KIAA1549: variants seen among roughly 807,000 people sequenced by gnomAD.
KIAA1549 encodes UPF0606 protein KIAA1549.
A neutral mutation model predicts 156.4 loss-of-function variants in KIAA1549; 70 were observed. The observed-to-expected ratio is 0.45, with a 90% CI of 0.37 to 0.55. KIAA1549 has a LOEUF of 0.55. Among genes scored for constraint, KIAA1549 ranks in the 20% least tolerant of loss-of-function variants. The pLI, the probability that KIAA1549 is intolerant of heterozygous loss-of-function variation, is 0.00. For missense variants in KIAA1549, 2,428 were observed against 2,540.9 expected, an observed-to-expected ratio of 0.96 and a Z score of 0.96; for synonymous variants, 1,103 against 1,066.4, an observed-to-expected ratio of 1.03 and a Z score of -0.67.
intron 10 of KIAA1549, among the ~76,000 whole-genome samples, chr7:138,884,649 G>T (rs1447281468): frequency 6.6e-6 from 1 of 152,162 alleles, no homozygotes; most frequent in African/African-American, 2.4e-5. Flanking sequence ...GTATAATGTG[G>T]CTTACTTTCT....
intron 1 of KIAA1549, among the ~76,000 whole-genome samples, chr7:138,935,674 G>C (rs1427901322): frequency 6.6e-6 from 1 of 152,222 alleles, no homozygotes; most frequent in Non-Finnish European, 1.5e-5. Context: ...GGAGCCAGCA[G>C]CAATGAACAT....
intron 9 of KIAA1549, among the ~76,000 whole-genome samples, chr7:138,897,830 C>T (rs541045074): frequency 2.1e-4 from 26 of 126,550 alleles, no homozygotes; most frequent in South Asian, 5.6e-4. Flanking sequence ...GAGTTTGAGG[C>T]TGCAGTGAGC....
chr7:138,859,523 G>C (rs921108545), intron 16 of KIAA1549, among the ~76,000 whole-genome samples: 1 of 152,082 alleles, frequency 6.6e-6, no homozygotes, highest in East Asian at 1.9e-4. Flanking sequence ...CTAGCATCCT[G>C]CTCAGGGTAT....
chr7:138,871,423 C>A, intron 12 of KIAA1549, 61 bp from the exon 13 acceptor site: 4 of 1,384,996 alleles, frequency 2.9e-6, no homozygotes, highest in Admixed American at 5.3e-5. Context: ...AGCAACTAAT[C>A]AAAATTGTGA....
chr7:138,838,775 G>A (rs1427884009), intron 19 of KIAA1549, among the ~76,000 whole-genome samples: 1 of 152,062 alleles, frequency 6.6e-6, no homozygotes, highest in Non-Finnish European at 1.5e-5. Context: ...AGTTATTTGT[G>A]AGCCAAACAT....
intron 8 of KIAA1549, among the ~76,000 whole-genome samples, chr7:138,901,041 A>C (rs926289585): frequency 1.1e-4 from 17 of 152,218 alleles, no homozygotes; most frequent in African/African-American, 4.1e-4. Flanking sequence ...TCCTATCTGG[A>C]ACCCTTATAA....
At position 138,871,163 on chromosome 7, in the gene KIAA1549, G is replaced by GTTGATTTTATTGC; in HGVS notation, c.4532_4544dup (p.Asn1515LysfsTer3). The GTTGATTTTATTGC allele has an allele frequency of 6.2e-7, 1 of 1,611,560 alleles. No homozygotes were observed. Among genetic ancestry groups the GTTGATTTTATTGC allele is most frequent in the Non-Finnish European group, 8.5e-7 (1 of 1,179,752 alleles). ...TTTAAATAAAAGCAAATACCTCTTTGTTGATTTTATTGCTTTCCGCCACTC... is the reference window on the plus strand; with the variant it reads ...TTTAAATAAAAGCAAATACCTCTTTGTTGATTTTATTGCTTGATTTTATTGCTTTCCGCCACTC... On this transcript the variant is annotated stop_gained and frameshift_variant, in exon 13 of 20. Transcript: ENST00000422774. LOFTEE classifies it high-confidence loss of function.
In KIAA1549 at chr7:138,937,051, C is replaced by T. The variant is rs183098462; in HGVS notation, c.188-17613G>A. The stretch of plus-strand genomic sequence containing the variant: ...AAAATCCTCCAGTGGCTCTTAAAAG[C>T]CTTCAGAAAGCCAAAGCCCTCAGCT... On this transcript the variant is annotated intron_variant, in intron 1 of 19. Transcript: ENST00000422774. Among the ~76,000 whole-genome samples the T allele has an allele frequency of 5.9e-5, 9 of 152,286 alleles. No homozygotes were observed. In the East Asian group the frequency reaches 1.3e-3, roughly 23 times the overall value.
At chr7:138,924,188 T>C (rs1486422327) in intron 1 of KIAA1549, among the ~76,000 whole-genome samples, 1 of 147,868 alleles carries the variant, frequency 6.8e-6, no homozygotes, top group Non-Finnish European at 1.5e-5. Flanking sequence ...TTTTCTTTTT[T>C]TTTTTTCTTT....
Position 138,868,097 on chromosome 7 carries a change from G to A in KIAA1549, c.4807C>T (p.Arg1603Trp), listed in dbSNP as rs376775987. ...GGACAGCCGTTGACCTGGTGTTTCC[G>A]GCGAGGCTTGGGAGAACGTTTTATC... ...SRIKRSPKPR[R>W]KHQVNGCPAD... is the part of the protein sequence containing the mutation. Residue 1603 changes from arginine (R) to tryptophan (W), a missense_variant, in exon 15 of 20, where the codon CGG (arginine) becomes TGG (tryptophan). Arg to Trp is a moderately radical substitution (Grantham distance 101, BLOSUM62 -3). This residue lies in a region of KIAA1549 where 404 missense variants were observed against 417.0 expected (regional missense o/e 0.97). Transcript: ENST00000422774. The A allele has an allele frequency of 2.8e-4, 454 of 1,613,526 alleles. 1 individual carries two copies. The highest frequency in any genetic ancestry group is 4.6e-4 in the South Asian group (42 of 91,026).
intron 1 of KIAA1549, among the ~76,000 whole-genome samples, chr7:138,924,226 T>C (rs936974498): frequency 1.4e-5 from 2 of 148,104 alleles, no homozygotes; most frequent in Non-Finnish European, 3.0e-5. Flanking sequence ...TTTTCTACAA[T>C]GAAGGCTTAC....
chr7:138,926,702 G>A (rs887271626), intron 1 of KIAA1549, among the ~76,000 whole-genome samples: 2 of 152,082 alleles, frequency 1.3e-5, no homozygotes, highest in Admixed American at 6.6e-5. Context: ...AGAAAAAAGT[G>A]TCTTCCCCTT....
Position 138,869,666 on chromosome 7 carries a change from C to T in KIAA1549, c.4647G>A (p.Val1549=). ...AKRRGHYEFP[V]VDDLSSGDTK... Reference sequence around the variant, plus strand: ...TGTCGCCCGAGGACAGGTCGTCTACCACCGGGAACTCGTAGTGCCCGCGGC... The same window carrying T: ...TGTCGCCCGAGGACAGGTCGTCTACTACCGGGAACTCGTAGTGCCCGCGGC... The change falls in exon 14 of 20, where the codon GTG becomes GTA. Residue 1549 remains valine (V), a synonymous_variant. Coordinates refer to ENST00000422774, the MANE Select transcript of KIAA1549 (RefSeq NM_001164665.2). 3 of 1,612,346 alleles carry T rather than the reference C, an allele frequency of 1.9e-6. No individual in the cohort carries two copies. Among genetic ancestry groups the T allele is most frequent in the Non-Finnish European group, 2.5e-6 (3 of 1,179,836 alleles).
rs754935410 is a variant in KIAA1549, at chr7:138,903,524, A to C, written c.3669+64T>G. 2.2e-4 allele frequency: 333 copies of C among 1,505,416 alleles called. 1 individual carries two copies. Among genetic ancestry groups the C allele is most frequent in the Non-Finnish European group, 2.8e-4 (308 of 1,097,724 alleles). The allele number at this position is 1,505,416 out of a possible 1,614,324, so 93.3% of individuals were successfully genotyped here. ...ATACAGGGTTTTAGATGGAGTGTGC[A>C]CTCACACGCAAGCGCTGTCTCTCTC... On this transcript the variant is annotated intron_variant, in intron 8 of 19. Transcript: ENST00000422774.
intron 17 of KIAA1549, 65 bp downstream of exon 17, chr7:138,852,158 T>TTA: frequency 8.9e-7 from 1 of 1,125,178 alleles, no homozygotes; most frequent in Non-Finnish European, 1.3e-6. Flanking sequence ...ATTAGTGAGT[T>TTA]TATAAAGTTT....
Position 138,869,780 on chromosome 7 carries a change from G to C in KIAA1549, c.4552-19C>G. On this transcript the variant is annotated intron_variant, in intron 13 of 19. Coordinates refer to ENST00000422774, the MANE Select transcript of KIAA1549 (RefSeq NM_001164665.2). ...TCTGAATCTGAGGAAGGGTGAGGGAGAGAAAGACAGCCATAGAGGTCCCGG... is the reference window on the plus strand; with the variant it reads ...TCTGAATCTGAGGAAGGGTGAGGGACAGAAAGACAGCCATAGAGGTCCCGG... The C allele has an allele frequency of 6.3e-7, 1 of 1,590,232 alleles. No individual in the cohort carries two copies. Among genetic ancestry groups the C allele is most frequent in the East Asian group, 2.3e-5 (1 of 44,416 alleles).
intron 1 of KIAA1549, among the ~76,000 whole-genome samples, chr7:138,966,340 G>A (rs925559720): frequency 6.6e-6 from 1 of 152,064 alleles, no homozygotes; most frequent in African/African-American, 2.4e-5. Flanking sequence ...CATGAGCCAG[G>A]AACCACCTGT....
At chr7:138,921,200 T>A (rs996216500) in intron 1 of KIAA1549, among the ~76,000 whole-genome samples, 3 of 151,884 alleles carry the variant, frequency 2.0e-5, no homozygotes, top group Non-Finnish European at 4.4e-5. Flanking sequence ...AAGAAAAATA[T>A]CCACTTTTCA....
At chr7:138,855,107 G>C (rs1208796562) in intron 16 of KIAA1549, among the ~76,000 whole-genome samples, 1 of 152,144 alleles carries the variant, frequency 6.6e-6, no homozygotes, top group Non-Finnish European at 1.5e-5. Flanking sequence ...CAGGGTGAAG[G>C]GGAGGGAGGG....
Sources: allele counts gnomAD v4.1 joint callset (sites outside exome capture counted in the v4.1 genomes callset), GRCh38; gene constraint gnomAD v4.1.1; regional missense constraint gnomAD v4.1.1; transcripts MANE v1.5; gene names NCBI Gene and HGNC (gene_info 2026-07-23, HGNC 2026-07-21).